Variants in NR3C1 observed in about 807,000 individuals in gnomAD.
NR3C1 encodes nuclear receptor subfamily 3 group C member 1, also known as glucocorticoid receptor.
Under a neutral mutation model 74.0 loss-of-function variants are expected in NR3C1, and 14 were observed. That is an observed-to-expected ratio of 0.19 (90% CI 0.12 to 0.30). The LOEUF (loss-of-function observed/expected upper bound fraction) is 0.30. Ranked by LOEUF, NR3C1 falls within the 10% of genes least tolerant of loss-of-function variation. The pLI, the probability that NR3C1 is intolerant of heterozygous loss-of-function variation, is 1.00. For missense variants in NR3C1, 695 were observed against 909.8 expected (o/e 0.76, Z 3.04); for synonymous variants, 308 against 332.5 (o/e 0.93, Z 0.80).
Position 143,400,750 on chromosome 5 carries a change from A to G in NR3C1, c.90T>C (p.Tyr30=), listed in dbSNP as rs1840118921. The G allele has an allele frequency of 2.5e-6, 4 of 1,614,218 alleles. No homozygotes were observed. The highest frequency in any genetic ancestry group is 3.4e-6 in the Non-Finnish European group (4 of 1,180,046). The part of the protein sequence containing the change: ...AQERGDVMDF[Y]KTLRGGATVK... Reference sequence around the variant, plus strand: ...CAGTAGCTCCTCCTCTTAGGGTTTTATAGAAGTCCATCACATCTCCCCTCT... The same window carrying G: ...CAGTAGCTCCTCCTCTTAGGGTTTTGTAGAAGTCCATCACATCTCCCCTCT... Residue 30 remains tyrosine, a synonymous_variant, in exon 2 of 9, where the codon TAT becomes TAC. Transcript: ENST00000394464.
rs774530384 is a variant in NR3C1 at position 143,399,866 on chromosome 5, C to T, written c.974G>A (p.Ser325Asn). Residue 325 changes from serine to asparagine, a missense_variant, in exon 2 of 9, where the codon AGT becomes AAT. By Grantham distance (46) the Ser-to-Asn change is conservative (BLOSUM62 1). Around this residue, in one of 4 missense-constraint regions of NR3C1, gnomAD observed 497 missense variants for 489.5 expected, o/e 1.02. Transcript: ENST00000394464. The stretch of plus-strand genomic sequence containing the variant: ...GTGGTACATCTGTCCTCCAGAGGTA[C>T]TCACACCATGAACAGAAATGGCAGA... ...KMSAISVHGV[S>N]TSGGQMYHYD... The T allele has an allele frequency of 1.2e-6, 2 of 1,614,198 alleles. No individual in the cohort carries two copies. Among genetic ancestry groups the T allele is most frequent in the Non-Finnish European group, 1.7e-6 (2 of 1,180,032 alleles).
intron 2 of NR3C1, among the ~76,000 whole-genome samples, chr5:143,392,821 T>C (rs1034426825): frequency 6.6e-6 from 1 of 152,194 alleles, no homozygotes; most frequent in African/African-American, 2.4e-5. Context: ...AAGTAACTCT[T>C]ATAAAATATG....
intron 2 of NR3C1, 152 bp from the exon 3 acceptor site, chr5:143,314,320 C>CA (rs752821832): frequency 4.1e-5 from 31 of 756,108 alleles, no homozygotes; most frequent in Non-Finnish European, 7.0e-5. Flanking sequence ...TAAATATATT[C>CA]AAATCATGTT....
At chr5:143,295,637 C>G in intron 6 of NR3C1, 47 bp from the exon 7 acceptor site, 1 of 1,511,254 alleles carries the variant, frequency 6.6e-7, no homozygotes, top group Non-Finnish European at 9.2e-7. Context: ...ACTGCTACTT[C>G]CCCCCAAAAA....
chr5:143,353,576 T>G (rs2151793120), intron 2 of NR3C1, among the ~76,000 whole-genome samples: 1 of 152,320 alleles, frequency 6.6e-6, no homozygotes, highest in African/African-American at 2.4e-5. Context: ...ACAATTCCAT[T>G]AGAGCTCTTG....
At chr5:143,402,788 G>T in intron 1 of NR3C1, 9 of 985,432 alleles carry the variant, frequency 9.1e-6, no homozygotes, top group Non-Finnish European at 9.6e-6. Context: ...CCGGGGTGGC[G>T]TGCAAATATT....
At chr5:143,368,623 A>T (rs1385703620) in intron 2 of NR3C1, among the ~76,000 whole-genome samples, 1 of 152,052 alleles carries the variant, frequency 6.6e-6, no homozygotes, top group Non-Finnish European at 1.5e-5. Flanking sequence ...AAGAATGTTA[A>T]AGACATTTCT....
At chr5:143,319,995 CTTTT>C (rs1561556973) in intron 2 of NR3C1, among the ~76,000 whole-genome samples, 2 of 152,290 alleles carry the variant, frequency 1.3e-5, no homozygotes, top group East Asian at 3.9e-4. Flanking sequence ...CCAGTAATTT[CTTTT>C]TCCCTCTAGC....
intron 2 of NR3C1, among the ~76,000 whole-genome samples, chr5:143,396,472 G>T (rs367911040): frequency 6.6e-6 from 1 of 151,770 alleles, no homozygotes; most frequent in Non-Finnish European, 1.5e-5. Context: ...ATCCATGGGG[G>T]TGAGGGTAAA....
At chr5:143,372,674 T>A (rs1401257885) in intron 2 of NR3C1, among the ~76,000 whole-genome samples, 1 of 152,152 alleles carries the variant, frequency 6.6e-6, no homozygotes. Flanking sequence ...CTATCAAACA[T>A]AAGCCCTTAA....
intron 7 of NR3C1, among the ~76,000 whole-genome samples, chr5:143,284,382 TACAAG>T (rs1320712281): frequency 6.6e-6 from 1 of 152,118 alleles, no homozygotes; most frequent in South Asian, 2.1e-4. Context: ...CATAAAGCAT[TACAAG>T]ACATCAGTAT....
upstream of NR3C1, chr5:143,404,134 C>T (rs2151950736): frequency 2.0e-6 from 2 of 985,406 alleles, no homozygotes; most frequent in Non-Finnish European, 2.4e-6. Context: ...GCCAGTGCCC[C>T]TGCGGGTGAC....
At chr5:143,405,758 A>G (rs1841075177), upstream of NR3C1, among the ~76,000 whole-genome samples, 1 of 152,144 alleles carries the variant, frequency 6.6e-6, no homozygotes, top group African/African-American at 2.4e-5. Flanking sequence ...ACTCCATGTT[A>G]ACAAAACCCC....
intron 2 of NR3C1, among the ~76,000 whole-genome samples, chr5:143,396,948 C>T (rs367688561): frequency 1.3e-5 from 2 of 151,730 alleles, no homozygotes; most frequent in Admixed American, 6.6e-5. Flanking sequence ...ATGTACTGAA[C>T]TTCAGTATTT....
At chr5:143,309,859 A>G (rs1490851336) in intron 4 of NR3C1, among the ~76,000 whole-genome samples, 1 of 152,202 alleles carries the variant, frequency 6.6e-6, no homozygotes, top group African/African-American at 2.4e-5. Context: ...TTCTTTGTAT[A>G]TAGTCTGGCT....
At chr5:143,390,912 T>C (rs1838109095) in intron 2 of NR3C1, among the ~76,000 whole-genome samples, 1 of 152,180 alleles carries the variant, frequency 6.6e-6, no homozygotes, top group Non-Finnish European at 1.5e-5. Context: ...AGTTAGGTGT[T>C]ACTATAGTGC....
rs763491997 is a variant in NR3C1 at position 143,399,850 on chromosome 5, C to G, written c.990G>C (p.Gln330His). Residue 330 changes from glutamine (Q) to histidine (H), a missense_variant, in exon 2 of 9, where the codon CAG becomes CAC. Physicochemically the swap from Gln to His is conservative, Grantham distance 24 (BLOSUM62 0). Coordinates refer to ENST00000394464, the MANE Select transcript of NR3C1 (RefSeq NM_000176.3). ...SVHGVSTSGG[Q>H]MYHYDMNTAS... ...CTGTATTCATGTCATAGTGGTACAT[C>G]TGTCCTCCAGAGGTACTCACACCAT... The G allele has an allele frequency of 3.1e-6, 5 of 1,614,062 alleles. No homozygotes were observed. The highest frequency in any genetic ancestry group is 1.3e-5 in the African/African-American group (1 of 74,926).
At chr5:143,312,742 GTAT>G (rs1427876625) in intron 3 of NR3C1, among the ~76,000 whole-genome samples, 1 of 152,138 alleles carries the variant, frequency 6.6e-6, no homozygotes, top group Non-Finnish European at 1.5e-5. Flanking sequence ...GGGACTGTCC[GTAT>G]TATTATTATC....
At chr5:143,363,466 T>C (rs111499419) in intron 2 of NR3C1, among the ~76,000 whole-genome samples, 19 of 152,136 alleles carry the variant, frequency 1.2e-4, no homozygotes, top group African/African-American at 4.1e-4. Flanking sequence ...CTAGACTTCA[T>C]AGACAAAGAC....
Sources: allele counts gnomAD v4.1 joint callset (sites outside exome capture counted in the v4.1 genomes callset), GRCh38; gene constraint gnomAD v4.1.1; regional missense constraint gnomAD v4.1.1; transcripts MANE v1.5; gene names NCBI Gene and HGNC (gene_info 2026-07-23, HGNC 2026-07-21).